The following ATP11C variants were observed in gnomAD, a reference collection of about 807,000 sequenced individuals.
ATP11C encodes the protein phospholipid-transporting ATPase IG.
ATP11C carries 36 observed loss-of-function variants against 97.4 expected under a neutral mutation model. The observed-to-expected ratio is 0.37, with a 90% confidence interval of 0.28 to 0.49. ATP11C has a LOEUF of 0.49. Ranked by LOEUF, ATP11C falls within the 20% of genes least tolerant of loss-of-function variation. The pLI is 0.98. For missense variants in ATP11C, 730 were observed against 824.6 expected (o/e 0.89, Z 1.40); for synonymous variants, 275 against 290.9 (o/e 0.95, Z 0.56).
At chrX:139,825,422 G>A (rs1406160506) in intron 2 of ATP11C, among the ~76,000 whole-genome samples, 1 of 111,774 alleles carries the variant, frequency 8.9e-6, no homozygotes, top group African/African-American at 3.3e-5. Context: ...ATACCACAAG[G>A]TGAGCTGAAA....
chrX:139,765,944 T>G (rs2082126549), intron 20 of ATP11C, among the ~76,000 whole-genome samples: 1 of 111,764 alleles, frequency 8.9e-6, no homozygotes, highest in Admixed American at 9.5e-5. Context: ...GAAAGGGTAA[T>G]GTATGTGGTA....
At chrX:139,745,280 GAGAGA>G (rs1342641733) in intron 25 of ATP11C, among the ~76,000 whole-genome samples, 1 of 111,197 alleles carries the variant, frequency 9.0e-6, no homozygotes, top group Non-Finnish European at 1.9e-5. Flanking sequence ...GAAGAGGAGG[GAGAGA>G]AGAGAATTCC....
intron 1 of ATP11C, among the ~76,000 whole-genome samples, chrX:139,850,835 G>A (rs1054934037): frequency 1.8e-5 from 2 of 110,790 alleles, no homozygotes; most frequent in South Asian, 3.9e-4. Context: ...TGTTGAACCC[G>A]GGAGGCGGAG....
intron 1 of ATP11C, among the ~76,000 whole-genome samples, chrX:139,873,588 A>G (rs2084411475): frequency 9.3e-6 from 1 of 107,354 alleles, no homozygotes; most frequent in Non-Finnish European, 1.9e-5. Flanking sequence ...GGTGCCTGTA[A>G]TAGCAGCTAC....
At chrX:139,771,606 G>C (rs1402679723) in intron 19 of ATP11C, among the ~76,000 whole-genome samples, 3 of 111,527 alleles carry the variant, frequency 2.7e-5, no homozygotes, top group Non-Finnish European at 5.6e-5. Context: ...GAAAAGTAAG[G>C]TTCAGGCTGA....
intron 1 of ATP11C, among the ~76,000 whole-genome samples, chrX:139,891,705 T>C (rs1208607410): frequency 8.9e-6 from 1 of 112,154 alleles, no homozygotes. Context: ...ATTGATGGTT[T>C]TGGCACAAGA....
At chrX:139,763,234 G>C in intron 21 of ATP11C, 82 bp downstream of exon 21, 1 of 734,190 alleles carries the variant, frequency 1.4e-6, no homozygotes, top group Non-Finnish European at 2.0e-6. Context: ...AACCAAAACA[G>C]TCACTCTAGA....
rs753180192 is a variant in ATP11C at position 139,745,754 on chromosome X, A to G, written c.2932T>C (p.Phe978Leu). ...TTTTCTTCTAGGGATGCAGTCTGAAAAAGAAAGTAAGTCCCAAAGAAGAAC... is the reference window on the plus strand; with the variant it reads ...TTTTCTTCTAGGGATGCAGTCTGAAGAAGAAAGTAAGTCCCAAAGAAGAAC... ...TVFFFGTYFL[F>L]QTASLEENGK... is the part of the protein sequence containing the mutation. Residue 978 changes from phenylalanine to leucine, a missense_variant, in exon 25 of 30, where the codon TTT (phenylalanine) becomes CTT (leucine). Coordinates refer to ENST00000682941, the MANE Select transcript of ATP11C (RefSeq NM_001353812.2). 8.3e-6 allele frequency: 10 copies of G among 1,206,032 alleles called. No homozygotes were observed. The South Asian group carries it at 1.8e-4, about 22-fold the overall frequency.
chrX:139,833,701 C>A (rs1160187053), intron 1 of ATP11C, among the ~76,000 whole-genome samples: 3 of 110,241 alleles, frequency 2.7e-5, no homozygotes, highest in Non-Finnish European at 5.7e-5. Flanking sequence ...TAAAAAAAAA[C>A]AAACATTCTT....
intron 2 of ATP11C, among the ~76,000 whole-genome samples, chrX:139,822,052 AAAAC>A (rs1011052058): frequency 3.6e-5 from 4 of 111,494 alleles, no homozygotes; most frequent in Non-Finnish European, 7.6e-5. Context: ...CTACAAATCA[AAAAC>A]AATGTTATCT....
At chrX:139,881,903 C>A (rs1431282837) in intron 1 of ATP11C, among the ~76,000 whole-genome samples, 1 of 112,168 alleles carries the variant, frequency 8.9e-6, no homozygotes, top group East Asian at 2.8e-4. Flanking sequence ...ACACTCCTTT[C>A]CCCCACTGTT....
intron 23 of ATP11C, among the ~76,000 whole-genome samples, chrX:139,757,060 A>T (rs1201351822): frequency 1.8e-5 from 2 of 110,263 alleles, no homozygotes; most frequent in Non-Finnish European, 3.8e-5. Context: ...AAGTGTATTC[A>T]TAAGTGTACT....
intron 1 of ATP11C, among the ~76,000 whole-genome samples, chrX:139,854,337 C>CGTATTATCCTAACTTGTAACAT (rs1433352934): frequency 1.8e-5 from 2 of 112,328 alleles, no homozygotes; most frequent in African/African-American, 3.2e-5. Context: ...TAAAAGTTAA[C>CGTATTATCCTAACTTGTAACAT]GTATTATCCT....
chrX:139,785,695 A>G lies in ATP11C; in HGVS notation c.1593-396T>C, dbSNP rs181469759. 7.3e-4 allele frequency among the ~76,000 whole-genome samples: 82 copies of G among 111,907 alleles called. 1 individual carries two copies. The highest frequency in any genetic ancestry group is 2.5e-3 in the African/African-American group (78 of 30,803). ...TGGGGAATAGAGGTGAATCTGCCTGAGTCCCTTCCCTTATGCGGGTCACCA... is the reference window on the plus strand; with the variant it reads ...TGGGGAATAGAGGTGAATCTGCCTGGGTCCCTTCCCTTATGCGGGTCACCA... On this transcript the variant is annotated intron_variant, in intron 15 of 29. Transcript: ENST00000682941.
intron 18 of ATP11C, 51 bp downstream of exon 18, chrX:139,782,496 A>G (rs2082483912): frequency 2.2e-6 from 2 of 922,636 alleles, no homozygotes; most frequent in East Asian, 6.3e-5. Flanking sequence ...GGGGCAGATC[A>G]CACCCAAAAC....
chrX:139,804,681 A>T, intron 5 of ATP11C, 82 bp from the exon 6 acceptor site: 3 of 788,532 alleles, frequency 3.8e-6, no homozygotes, highest in African/African-American at 2.1e-5. Context: ...AAACATTAGC[A>T]AGAGATTATC....
At chrX:139,880,867 G>A (rs1035220777) in intron 1 of ATP11C, among the ~76,000 whole-genome samples, 1 of 112,022 alleles carries the variant, frequency 8.9e-6, no homozygotes, top group Non-Finnish European at 1.9e-5. Flanking sequence ...GGAGAAGCAA[G>A]TAATTTTGCT....
chrX:139,797,635 T>C (rs1190398530), intron 10 of ATP11C, among the ~76,000 whole-genome samples: 3 of 111,434 alleles, frequency 2.7e-5, no homozygotes, highest in South Asian at 3.8e-4. Context: ...CACCATTACT[T>C]ACTCAACCCT....
intron 1 of ATP11C, among the ~76,000 whole-genome samples, chrX:139,918,487 CTATAATCCCA>C (rs1200688004): frequency 1.0e-5 from 1 of 99,797 alleles, no homozygotes; most frequent in African/African-American, 3.8e-5. Flanking sequence ...TGGTGGGTAA[CTATAATCCCA>C]TATAATCCCA....
Sources: gnomAD v4.1 joint callset for allele counts (sites outside exome capture counted in the v4.1 genomes callset) on GRCh38, gnomAD v4.1.1 for gene constraint, MANE v1.5 for transcripts, NCBI Gene and HGNC (gene_info 2026-07-23, HGNC 2026-07-21) for gene names.